Variants in TNRC6A observed in about 807,000 individuals in gnomAD.
The protein encoded by TNRC6A is trinucleotide repeat containing adaptor 6A, also known as trinucleotide repeat-containing gene 6A protein.
TNRC6A carries 44 observed loss-of-function variants against 221.2 expected under a neutral mutation model. The observed-to-expected ratio is 0.20, with a 90% CI of 0.16 to 0.26. The LOEUF is 0.26. Among genes scored for constraint, TNRC6A ranks in the 10% least tolerant of loss-of-function variants. TNRC6A has a pLI of 1.00. For synonymous variants in TNRC6A, 847 were observed against 838.5 expected (o/e 1.01, Z -0.18); for missense variants, 2,199 against 2,404.4 (o/e 0.91, Z 1.79).
In TNRC6A at chr16:24,794,594, G is replaced by A. The variant is rs1243837029; in HGVS notation, c.3403G>A (p.Gly1135Arg). 2 of 1,613,872 alleles carry A rather than the reference G, an allele frequency of 1.2e-6. No homozygotes were observed. Among genetic ancestry groups the A allele is most frequent in the Non-Finnish European group, 1.7e-6 (2 of 1,179,928 alleles). ...GTGTGGTGATGATATGCCATTGCCT[G>A]GAAATCGCCCCACTGGCTGGGAAGA... ...GWCGDDMPLP[G>R]NRPTGWEEEE... Residue 1135 changes from glycine (G) to arginine (R), a missense_variant, in exon 8 of 25, where the codon GGA (glycine) becomes AGA (arginine). Coordinates refer to ENST00000395799, the MANE Select transcript of TNRC6A (RefSeq NM_014494.4).
At chr16:24,720,712 G>A (rs997605834) in intron 2 of TNRC6A, among the ~76,000 whole-genome samples, 18 of 126,572 alleles carry the variant, frequency 1.4e-4, no homozygotes, top group Admixed American at 2.4e-4. Context: ...AAAAAAGAAA[G>A]AAAGAAAAAA....
At chr16:24,657,476 G>A (rs946563411) in intron 2 of TNRC6A, among the ~76,000 whole-genome samples, 12 of 151,956 alleles carry the variant, frequency 7.9e-5, no homozygotes, top group Non-Finnish European at 1.8e-4. Flanking sequence ...TTGGGAGGCC[G>A]AGGCGGGTGG....
rs542569054 is a variant in TNRC6A, at chr16:24,721,731, C to T, written n.403-28995C>T. Among the ~76,000 whole-genome samples, 9 of 152,104 alleles carry T rather than the reference C, an allele frequency of 5.9e-5. No individual in the cohort carries two copies. In the East Asian group the frequency reaches 7.7e-4, roughly 13 times the overall value. On this transcript the variant is annotated intron_variant and non_coding_transcript_variant, in intron 2 of 2. Coordinates refer to the TNRC6A transcript ENST00000566108. ...CTGAGGTGGGAAGATGGCTTCAGCC[C>T]GGGAAGTGGATTATTATTATTTTAA... is the stretch of plus-strand genomic sequence containing the variant.
In TNRC6A at chr16:24,650,592, G is replaced by C. The variant is rs922197765; in HGVS notation, n.402+9583G>C. Among the ~76,000 whole-genome samples, 192 of 152,076 alleles carry C rather than the reference G, an allele frequency of 1.3e-3. 2 individuals are homozygous for C. Among genetic ancestry groups the C allele is most frequent in the African/African-American group, 4.4e-3 (181 of 41,480 alleles). On this transcript the variant is annotated intron_variant and non_coding_transcript_variant, in intron 2 of 2. Transcript: ENST00000566108. ...AGGCAGGAGAATCGCTTGAACCTGGGAGGCAGAGGTTGCAGTGAGCCAAGA... is the reference window on the plus strand; with the variant it reads ...AGGCAGGAGAATCGCTTGAACCTGGCAGGCAGAGGTTGCAGTGAGCCAAGA...
chr16:24,750,697 G>A, intron 2 of TNRC6A, 29 bp from the exon 3 acceptor site: 1 of 1,487,160 alleles, frequency 6.7e-7, no homozygotes, highest in Non-Finnish European at 8.9e-7. Context: ...ATACATTTTG[G>A]GAAACTTAAT....
At position 24,623,901 on chromosome 16, in the gene TNRC6A, C is replaced by CAAA. The variant is rs67546745; in HGVS notation, n.276+13444_276+13446dup. Among the ~76,000 whole-genome samples the CAAA allele has an allele frequency of 2.7e-3, 147 of 55,198 alleles. 4 individuals carry two copies. The highest frequency in any genetic ancestry group is 6.3e-3 in the Admixed American group (19 of 3,010). 36.2% of individuals were successfully genotyped at this position (55,198 alleles called of 152,430 possible). A position where few individuals can be genotyped will look rare whatever the true frequency, so the allele number is the denominator to read the frequency against. On this transcript the variant is annotated intron_variant and non_coding_transcript_variant, in intron 1 of 2. Coordinates refer to the TNRC6A transcript ENST00000566108. ...TGGGTAAAGGAGCAAGACCCTGTCT[C>CAAA]AAAAAAAAAAAAAAAAAAAAAAAAA...
chr16:24,800,780 G>A (rs1246333740), intron 11 of TNRC6A, among the ~76,000 whole-genome samples: 1 of 152,120 alleles, frequency 6.6e-6, no homozygotes, highest in African/African-American at 2.4e-5. Flanking sequence ...GCTGGGAGAA[G>A]CTCCCACAGA....
chr16:24,722,996 G>A (rs775509657), intron 2 of TNRC6A, among the ~76,000 whole-genome samples: 9 of 152,148 alleles, frequency 5.9e-5, no homozygotes, highest in Non-Finnish European at 1.2e-4. Context: ...GGAAAACTGG[G>A]AAAGGGTCAG....
intron 1 of TNRC6A, among the ~76,000 whole-genome samples, chr16:24,611,524 C>T (rs752799174): frequency 3.9e-5 from 6 of 152,082 alleles, no homozygotes; most frequent in Admixed American, 2.6e-4. Context: ...ACGTCTGACT[C>T]TCTGTGGGAG....
At chr16:24,647,000 C>G (rs1902326441) in intron 2 of TNRC6A, among the ~76,000 whole-genome samples, 1 of 32,950 alleles carries the variant, frequency 3.0e-5, no homozygotes, top group South Asian at 1.7e-3. Context: ...GCGGATTGAC[C>G]CCACTCCAGT....
chr16:24,627,771 C>A (rs952507952), intron 1 of TNRC6A, among the ~76,000 whole-genome samples: 9 of 143,970 alleles, frequency 6.3e-5, no homozygotes, highest in African/African-American at 2.3e-4. Flanking sequence ...GATCTTGGCT[C>A]ACTGCAACCT....
chr16:24,777,379 C>T (rs758953187), intron 5 of TNRC6A, 21 bp downstream of exon 5: 37 of 1,593,326 alleles, frequency 2.3e-5, no homozygotes, highest in Middle Eastern at 1.7e-4. Flanking sequence ...GCATTTCTTA[C>T]GAGACTCACA....
chr16:24,795,947 G>A lies in TNRC6A; in HGVS notation c.3561+8G>A. The A allele has an allele frequency of 3.1e-6, 5 of 1,612,936 alleles. No individual in the cohort carries two copies. Among genetic ancestry groups the A allele is most frequent in the Non-Finnish European group, 4.2e-6 (5 of 1,179,200 alleles). ...AAAAGGAGAAGGGAAAGGGTGTGTA[G>A]CCTTTTTACTCTTTCTCCTTTGTTT... On this transcript the variant is annotated splice_region_variant and intron_variant, in intron 9 of 24. Coordinates refer to ENST00000395799, the MANE Select transcript of TNRC6A (RefSeq NM_014494.4).
intron 5 of TNRC6A, among the ~76,000 whole-genome samples, chr16:24,782,437 A>G (rs1355946129): frequency 6.6e-6 from 1 of 152,200 alleles, no homozygotes; most frequent in African/African-American, 2.4e-5. Context: ...GCTGCTTTCA[A>G]GCTACAATGG....
chr16:24,652,747 G>A (rs1287747709), intron 2 of TNRC6A, among the ~76,000 whole-genome samples: 2 of 152,178 alleles, frequency 1.3e-5, no homozygotes, highest in Admixed American at 6.6e-5. Context: ...GATCCTCAAC[G>A]TGCCTGTCTT....
At chr16:24,757,862 A>T (rs1002673957) in intron 3 of TNRC6A, among the ~76,000 whole-genome samples, 2 of 152,328 alleles carry the variant, frequency 1.3e-5, no homozygotes, top group African/African-American at 4.8e-5. Flanking sequence ...CCAGGAGTTA[A>T]ATTTATTACT....
chr16:24,815,006 C>A (rs2058626342), intron 18 of TNRC6A, 141 bp from the exon 19 acceptor site: 2 of 863,180 alleles, frequency 2.3e-6, no homozygotes, highest in Non-Finnish European at 3.5e-6. Context: ...GTTAGAATCT[C>A]AATATAAAAG....
chr16:24,623,101 C>G (rs567152255), intron 1 of TNRC6A, among the ~76,000 whole-genome samples: 43 of 152,308 alleles, frequency 2.8e-4, no homozygotes, highest in African/African-American at 9.6e-4. Context: ...TCAGTATCTA[C>G]TGCTACAATA....
At chr16:24,746,653 T>A (rs1193913369) in intron 2 of TNRC6A, among the ~76,000 whole-genome samples, 2 of 152,202 alleles carry the variant, frequency 1.3e-5, no homozygotes, top group Non-Finnish European at 1.5e-5. Flanking sequence ...CATAAGATAG[T>A]GACATTTAAA....
Sources: gnomAD v4.1 joint callset for allele counts (sites outside exome capture counted in the v4.1 genomes callset) on GRCh38, gnomAD v4.1.1 for gene constraint, MANE v1.5 for transcripts, NCBI Gene and HGNC (gene_info 2026-07-23, HGNC 2026-07-21) for gene names.